DLG2: variants seen among roughly 807,000 people sequenced by gnomAD.
DLG2 encodes disks large homolog 2.
Under a neutral mutation model 132.5 loss-of-function variants are expected in DLG2, and 45 were observed. That is an observed-to-expected ratio of 0.34 (90% CI 0.27 to 0.44). The LOEUF (loss-of-function observed/expected upper bound fraction) is 0.44. Among genes scored for constraint, DLG2 ranks in the 20% least tolerant of loss-of-function variants. The pLI, the probability that DLG2 is intolerant of heterozygous loss-of-function variation, is 1.00. For missense variants in DLG2, 1,045 were observed against 1,196.9 expected, an observed-to-expected ratio of 0.87 and a Z score of 1.87; for synonymous variants, 424 against 419.6, an observed-to-expected ratio of 1.01 and a Z score of -0.13.
At chr11:84,934,290 A>G (rs756097448) in intron 6 of DLG2, among the ~76,000 whole-genome samples, 12 of 151,852 alleles carry the variant, frequency 7.9e-5, no homozygotes, top group Non-Finnish European at 1.8e-4. Flanking sequence ...TTTGTTGAAA[A>G]TATTTGCATC....
intron 18 of DLG2, among the ~76,000 whole-genome samples, chr11:83,752,805 A>C (rs1320918104): frequency 1.3e-5 from 2 of 152,224 alleles, no homozygotes; most frequent in East Asian, 1.9e-4. Flanking sequence ...ATGAGAACGA[A>C]GAAGGCATTG....
intron 6 of DLG2, among the ~76,000 whole-genome samples, chr11:84,897,203 G>A (rs1377929541): frequency 6.6e-6 from 1 of 151,466 alleles, no homozygotes; most frequent in African/African-American, 2.4e-5. Flanking sequence ...TGAACTTTAT[G>A]TAAATAGAAT....
chr11:85,402,375 C>G (rs921071355), intron 3 of DLG2, among the ~76,000 whole-genome samples: 1 of 151,936 alleles, frequency 6.6e-6, no homozygotes. Context: ...TAAGACCTAA[C>G]ACCATAAAAG....
chr11:84,393,781 G>A (rs951610824), intron 7 of DLG2, among the ~76,000 whole-genome samples: 7 of 151,844 alleles, frequency 4.6e-5, no homozygotes, highest in East Asian at 3.9e-4. Context: ...AAATTATAAC[G>A]TTTACTTATC....
chr11:83,505,139 G>C (rs1241587911), intron 21 of DLG2, among the ~76,000 whole-genome samples: 1 of 152,218 alleles, frequency 6.6e-6, no homozygotes, highest in African/African-American at 2.4e-5. Flanking sequence ...CCCATATCCA[G>C]AGTAAGTGTC....
intron 8 of DLG2, among the ~76,000 whole-genome samples, chr11:84,234,845 CCACA>C (rs1240684649): frequency 1.3e-5 from 2 of 152,190 alleles, no homozygotes; most frequent in African/African-American, 4.8e-5. Flanking sequence ...TTTGAAATGG[CCACA>C]CAAAGTTTTC....
chr11:84,301,990 C>G lies in DLG2; in HGVS notation c.520-50699G>C, dbSNP rs139067619. On this transcript the variant is annotated intron_variant, in intron 7 of 27. Coordinates refer to ENST00000376104, the MANE Select transcript of DLG2 (RefSeq NM_001142699.3). ...TAGACTGGATAAAGAAAATGTGACACGCATACACCAGGGAATACTATGCAG... is the reference window on the plus strand; with the variant it reads ...TAGACTGGATAAAGAAAATGTGACAGGCATACACCAGGGAATACTATGCAG... 1.5e-3 allele frequency among the ~76,000 whole-genome samples: 225 copies of G among 152,242 alleles called. 1 individual carries two copies. Among genetic ancestry groups the G allele is most frequent in the African/African-American group, 5.3e-3 (220 of 41,552 alleles).
chr11:83,722,564 G>A (rs540383760), intron 18 of DLG2, among the ~76,000 whole-genome samples: 45 of 152,232 alleles, frequency 3.0e-4, no homozygotes, highest in African/African-American at 1.1e-3. Flanking sequence ...GAGGCGGGGT[G>A]GGGAGTGACT....
At chr11:84,386,168 T>A (rs183405007) in intron 7 of DLG2, among the ~76,000 whole-genome samples, 19 of 152,210 alleles carry the variant, frequency 1.2e-4, no homozygotes, top group Admixed American at 7.9e-4. Context: ...CCAATTTTTT[T>A]AACTCTTAAC....
At chr11:85,607,432 C>T (rs550145758) in intron 2 of DLG2, among the ~76,000 whole-genome samples, 1 of 152,328 alleles carries the variant, frequency 6.6e-6, no homozygotes, top group South Asian at 2.1e-4. Context: ...GTCGCCCAAG[C>T]AAGACTCATC....
intron 9 of DLG2, among the ~76,000 whole-genome samples, chr11:84,114,827 A>ATTTTTTTTTTTTTTTT (rs11376031): frequency 7.1e-6 from 1 of 140,312 alleles, no homozygotes. Flanking sequence ...AAGCCTGGCT[A>ATTTTTTTTTTTTTTTT]TTTTTTTTTT....
intron 8 of DLG2, among the ~76,000 whole-genome samples, chr11:84,213,712 G>T (rs529963633): frequency 6.6e-6 from 1 of 151,508 alleles, no homozygotes; most frequent in East Asian, 1.9e-4. Flanking sequence ...CCAGCTACTC[G>T]GGAGGCTGAG....
intron 7 of DLG2, among the ~76,000 whole-genome samples, chr11:84,432,844 G>A (rs1567619996): frequency 6.6e-6 from 1 of 152,070 alleles, no homozygotes; most frequent in Non-Finnish European, 1.5e-5. Flanking sequence ...GCAACATGGT[G>A]AAAGCCCATC....
In DLG2 at chr11:83,554,670, T is replaced by C. The variant is rs571231940; in HGVS notation, c.1941-12812A>G. ...GTGCCAGATCTGGGACTAGTGGTTC[T>C]ATTGGCAATAAATACTATGGGAGCT... is the stretch of plus-strand genomic sequence containing the variant. On this transcript the variant is annotated intron_variant, in intron 19 of 27. Transcript: ENST00000376104. 8.9e-4 allele frequency among the ~76,000 whole-genome samples: 135 copies of C among 152,362 alleles called. 1 individual carries two copies. The South Asian group carries it at 8.9e-3, about 10-fold the overall frequency.
intron 9 of DLG2, among the ~76,000 whole-genome samples, chr11:84,161,193 G>A (rs1330389937): frequency 6.6e-6 from 1 of 151,988 alleles, no homozygotes; most frequent in African/African-American, 2.4e-5. Flanking sequence ...TGCTGGATGA[G>A]CACAAAAAGC....
chr11:85,584,710 G>C (rs1001275893), intron 3 of DLG2, among the ~76,000 whole-genome samples: 1 of 152,094 alleles, frequency 6.6e-6, no homozygotes, highest in Non-Finnish European at 1.5e-5. Context: ...TAGTAAGGTG[G>C]TATCTCATTG....
intron 3 of DLG2, among the ~76,000 whole-genome samples, chr11:85,442,539 A>G (rs1251584178): frequency 6.6e-6 from 1 of 152,140 alleles, no homozygotes. Context: ...GAAAGTTAGA[A>G]ATAAAAGGAT....
intron 7 of DLG2, among the ~76,000 whole-genome samples, chr11:84,438,318 T>A (rs998472530): frequency 5.9e-5 from 9 of 152,046 alleles, no homozygotes; most frequent in African/African-American, 2.2e-4. Flanking sequence ...AATGCCTGAG[T>A]GAAGGTCCGT....
At chr11:84,951,805 A>C (rs1278373286) in intron 6 of DLG2, among the ~76,000 whole-genome samples, 2 of 151,976 alleles carry the variant, frequency 1.3e-5, no homozygotes, top group Admixed American at 6.6e-5. Context: ...GGTTCATTTT[A>C]AAGAATGTAT....
Sources: gnomAD v4.1 joint callset for allele counts (sites outside exome capture counted in the v4.1 genomes callset) on GRCh38, gnomAD v4.1.1 for gene constraint, MANE v1.5 for transcripts, NCBI Gene and HGNC (gene_info 2026-07-23, HGNC 2026-07-21) for gene names.